Variants in FSTL4 observed in about 807,000 individuals in gnomAD.
The protein encoded by FSTL4 is follistatin like 4, also known as follistatin-related protein 4.
FSTL4 carries 28 observed loss-of-function variants against 78.2 expected under a neutral mutation model. The ratio of observed to expected loss-of-function variants is 0.36; its 90% CI spans 0.27 to 0.49. The LOEUF (loss-of-function observed/expected upper bound fraction) is 0.49. Ranked by LOEUF, FSTL4 falls within the 20% of genes least tolerant of loss-of-function variation. The pLI is 0.98. For synonymous variants in FSTL4, 422 were observed against 440.5 expected (o/e 0.96, Z 0.53); for missense variants, 922 against 1,084.9 (o/e 0.85, Z 2.11).
At chr5:133,640,489 A>G in the FSTL4 span, among the ~76,000 whole-genome samples, 1 of 152,178 alleles carries the variant, frequency 6.6e-6, no homozygotes, top group African/African-American at 2.4e-5. Context: ...GTCAGAGTTG[A>G]GCTCTAATTA....
intron 2 of FSTL4, among the ~76,000 whole-genome samples, chr5:133,601,034 T>C (rs796271861): frequency 9.2e-5 from 14 of 152,332 alleles, no homozygotes; most frequent in African/African-American, 3.4e-4. Flanking sequence ...ACCCAGAAAC[T>C]ATAACACGCA....
the FSTL4 span, among the ~76,000 whole-genome samples, chr5:133,633,367 C>G: frequency 6.6e-6 from 1 of 152,168 alleles, no homozygotes; most frequent in Non-Finnish European, 1.5e-5. Context: ...TCTTCAAACT[C>G]ACTAATTATT....
At position 133,239,368 on chromosome 5, in the gene FSTL4, G is replaced by A. The variant is rs1751764436; in HGVS notation, c.895-5831C>T. The stretch of plus-strand genomic sequence containing the variant: ...CGGGCGCACGGCACGGGACTGGCAG[G>A]CAGCTCCACCTGCAGACCTGGTGCA... On this transcript the variant is annotated intron_variant, in intron 7 of 15. Coordinates refer to ENST00000265342, the MANE Select transcript of FSTL4 (RefSeq NM_015082.2). Among the ~76,000 whole-genome samples the A allele has an allele frequency of 2.0e-5, 3 of 152,368 alleles. No individual in the cohort carries two copies. In the South Asian group the frequency reaches 6.2e-4, roughly 32 times the overall value.
chr5:133,514,284 A>G (rs1256436752), intron 3 of FSTL4, among the ~76,000 whole-genome samples: 2 of 151,732 alleles, frequency 1.3e-5, no homozygotes, highest in Non-Finnish European at 2.9e-5. Context: ...ATGAAGAAAC[A>G]AGAGGGTGAA....
intron 4 of FSTL4, among the ~76,000 whole-genome samples, chr5:133,397,156 A>G (rs986137923): frequency 6.6e-6 from 1 of 152,246 alleles, no homozygotes; most frequent in African/African-American, 2.4e-5. Context: ...CAAAACCAAG[A>G]AAAATGAGTT....
At chr5:133,838,780 C>T in the FSTL4 span, among the ~76,000 whole-genome samples, 1 of 152,204 alleles carries the variant, frequency 6.6e-6, no homozygotes, top group South Asian at 2.1e-4. Context: ...CACACAGCTT[C>T]ACTTCTACTG....
chr5:133,749,292 G>A, the FSTL4 span, among the ~76,000 whole-genome samples: 1 of 152,144 alleles, frequency 6.6e-6, no homozygotes, highest in Non-Finnish European at 1.5e-5. Flanking sequence ...TTTCTTGGAG[G>A]GATTCAGAAA....
the FSTL4 span, among the ~76,000 whole-genome samples, chr5:133,678,562 C>CGTGT: frequency 5.9e-3 from 882 of 149,932 alleles, 9 homozygotes; most frequent in Non-Finnish European, 7.0e-3. Context: ...TGTGTTTGAG[C>CGTGT]GTGTGTGTGT....
At chr5:133,351,071 A>C (rs1387761606) in intron 4 of FSTL4, among the ~76,000 whole-genome samples, 1 of 152,144 alleles carries the variant, frequency 6.6e-6, no homozygotes, top group Non-Finnish European at 1.5e-5. Flanking sequence ...AAATTTTTTT[A>C]TTTTGGCCAG....
rs189407524 is a variant in FSTL4, at chr5:133,426,591, C to G, written c.161-25605G>C. ...CCGTGGGTTGGGGAATGATCAATGC[C>G]GGCATTGTGCATTCTGGCAGGGTGG... On this transcript the variant is annotated intron_variant, in intron 3 of 15. Coordinates refer to ENST00000265342, the MANE Select transcript of FSTL4 (RefSeq NM_015082.2). This position sits in a 1 kb window ranked among gnomAD's most constrained non-coding sequence, Gnocchi z 5.0. Among the ~76,000 whole-genome samples the G allele has an allele frequency of 6.6e-6, 1 of 152,188 alleles. No homozygotes were observed. Among genetic ancestry groups the G allele is most frequent in the East Asian group, 1.9e-4 (1 of 5,170 alleles).
chr5:133,363,389 T>C (rs1755111773), intron 4 of FSTL4, among the ~76,000 whole-genome samples: 1 of 152,030 alleles, frequency 6.6e-6, no homozygotes, highest in Non-Finnish European at 1.5e-5. Flanking sequence ...TCAATCCTTG[T>C]TTTCCCCCAG....
Position 133,303,466 on chromosome 5 carries a change from G to A in FSTL4, c.727+9188C>T, listed in dbSNP as rs1414594164. The stretch of plus-strand genomic sequence containing the variant: ...AGGGACTGTCTGTCCCCAGGGTCTG[G>A]CTCTCCAGCCAGCTCCTATCAGGGG... On this transcript the variant is annotated intron_variant, in intron 6 of 15. Transcript: ENST00000265342. Among the ~76,000 whole-genome samples, 5 of 152,202 alleles carry A rather than the reference G, an allele frequency of 3.3e-5. No individual in the cohort carries two copies. The East Asian group carries it at 9.6e-4, about 29-fold the overall frequency.
intron 6 of FSTL4, among the ~76,000 whole-genome samples, chr5:133,303,674 G>A (rs1753598651): frequency 6.6e-6 from 1 of 152,228 alleles, no homozygotes; most frequent in Admixed American, 6.5e-5. Context: ...TGGTGGTGGG[G>A]TTCTGCAGGG....
In FSTL4 at chr5:133,338,139, T is replaced by C. The variant is rs555247368; in HGVS notation, c.410-21487A>G. 6.6e-6 allele frequency among the ~76,000 whole-genome samples: 1 copy of C among 152,204 alleles called. No individual in the cohort carries two copies. The highest frequency in any genetic ancestry group is 1.5e-5 in the Non-Finnish European group (1 of 68,044). On this transcript the variant is annotated intron_variant, in intron 4 of 15. Transcript: ENST00000265342. This position sits in a 1 kb window ranked among gnomAD's most constrained non-coding sequence, Gnocchi z 4.0. ...CTCCCAGGTCACCCATGGGGAGATGTCTGATTGGCAGGTGTAAATGTCGAT... is the reference window on the plus strand; with the variant it reads ...CTCCCAGGTCACCCATGGGGAGATGCCTGATTGGCAGGTGTAAATGTCGAT...
chr5:133,752,220 A>T, the FSTL4 span, among the ~76,000 whole-genome samples: 20 of 152,156 alleles, frequency 1.3e-4, no homozygotes, highest in African/African-American at 4.1e-4. Flanking sequence ...AATCTTAAAA[A>T]CCAAAGGAGT....
intron 2 of FSTL4, among the ~76,000 whole-genome samples, chr5:133,601,637 GCT>G (rs1329840550): frequency 2.0e-5 from 3 of 149,286 alleles, no homozygotes; most frequent in Non-Finnish European, 4.4e-5. Flanking sequence ...TAAATGTTCT[GCT>G]CTCTGTTTTC....
the FSTL4 span, among the ~76,000 whole-genome samples, chr5:133,778,320 G>T: frequency 6.6e-6 from 1 of 151,096 alleles, no homozygotes; most frequent in Admixed American, 6.6e-5. Flanking sequence ...TTTGCCTCAC[G>T]CAGAAAGGAG....
chr5:133,479,787 A>G (rs1757990575), intron 3 of FSTL4, among the ~76,000 whole-genome samples: 1 of 152,176 alleles, frequency 6.6e-6, no homozygotes, highest in Non-Finnish European at 1.5e-5. Context: ...AAATTCTGCA[A>G]ACAGACCAAA....
chr5:133,717,253 A>G, the FSTL4 span, among the ~76,000 whole-genome samples: 17 of 152,388 alleles, frequency 1.1e-4, no homozygotes, highest in East Asian at 3.3e-3. Flanking sequence ...CTATGCAGCA[A>G]TAAAAAGAGC....
Sources: allele counts gnomAD v4.1 joint callset (sites outside exome capture counted in the v4.1 genomes callset), GRCh38; gene constraint gnomAD v4.1.1; non-coding constraint Gnocchi (gnomAD v3.1); transcripts MANE v1.5; gene names NCBI Gene and HGNC (gene_info 2026-07-23, HGNC 2026-07-21).